The following EDA variants were observed in gnomAD, a reference collection of about 807,000 sequenced individuals.
The protein encoded by EDA is ectodysplasin A.
EDA carries 2 observed loss-of-function variants against 23.6 expected under a neutral mutation model. The observed-to-expected ratio is 0.08, with a 90% CI of 0.03 to 0.27. EDA has a LOEUF of 0.27. Among genes scored for constraint, EDA ranks in the 10% least tolerant of loss-of-function variants. The pLI is 1.00. For synonymous variants in EDA, 131 were observed against 132.0 expected, an observed-to-expected ratio of 0.99 and a Z score of 0.05; for missense variants, 229 against 324.2, an observed-to-expected ratio of 0.71 and a Z score of 2.26.
chrX:69,977,896 T>TA (rs2019339610), intron 2 of EDA, among the ~76,000 whole-genome samples: 2 of 111,835 alleles, frequency 1.8e-5, no homozygotes, highest in African/African-American at 6.5e-5. Context: ...CTGATCCTGA[T>TA]AACCTCACAA....
intron 1 of EDA, among the ~76,000 whole-genome samples, chrX:69,828,443 G>A (rs1040898595): frequency 8.9e-6 from 1 of 111,972 alleles, no homozygotes; most frequent in Non-Finnish European, 1.9e-5. Flanking sequence ...GCAGTATTCG[G>A]GTGGGAGTGA....
intron 1 of EDA, among the ~76,000 whole-genome samples, chrX:69,653,159 G>T (rs1933160483): frequency 9.0e-6 from 1 of 111,685 alleles, no homozygotes; most frequent in Admixed American, 9.5e-5. Flanking sequence ...TCATTGAGCA[G>T]TGGCTGGTAG....
chrX:70,005,559 T>TTAA (rs1400188793), intron 2 of EDA, among the ~76,000 whole-genome samples: 1 of 110,209 alleles, frequency 9.1e-6, no homozygotes, highest in Non-Finnish European at 1.9e-5. Context: ...CAACAGTGTG[T>TTAA]TAATGGAACA....
chrX:69,628,404 C>T (rs1159190240), intron 1 of EDA, among the ~76,000 whole-genome samples: 1 of 111,563 alleles, frequency 9.0e-6, no homozygotes, highest in Admixed American at 9.5e-5. Context: ...GGAGTTCTTT[C>T]GACTCAACCC....
intron 2 of EDA, among the ~76,000 whole-genome samples, chrX:69,959,943 G>A (rs2019074955): frequency 9.0e-6 from 1 of 111,681 alleles, no homozygotes; most frequent in African/African-American, 3.3e-5. Flanking sequence ...GTGTGGCTGG[G>A]AGCAGAGTAA....
chrX:69,753,972 C>T (rs1419047691), intron 1 of EDA, among the ~76,000 whole-genome samples: 2 of 109,947 alleles, frequency 1.8e-5, no homozygotes, highest in African/African-American at 3.3e-5. Flanking sequence ...TGTTTCTGCA[C>T]GTGAGATGGA....
At chrX:69,692,452 G>A (rs1443813145) in intron 1 of EDA, among the ~76,000 whole-genome samples, 1 of 111,451 alleles carries the variant, frequency 9.0e-6, no homozygotes. Context: ...ATGGAATACA[G>A]AGAGTGAAAA....
At position 70,035,062 on chromosome X, in the gene EDA, A is replaced by G. The variant is rs73634804; in HGVS notation, c.925-296A>G. Among the ~76,000 whole-genome samples the G allele has an allele frequency of 0.21, 22,355 of 108,385 alleles. 2,945 individuals are homozygous for G. The highest frequency in any genetic ancestry group is 0.42 in the African/African-American group (12,190 of 28,995). The allele number at this position is 108,385 out of a possible 115,157, so 94.1% of individuals were successfully genotyped here. A position where few individuals can be genotyped will look rare whatever the true frequency, so the allele number is the denominator to read the frequency against. ...CTGGGGCAGGGGTGGGCGGGGGAAC[A>G]GGGGCACGGTGAAGCTGCAAATAGG... On this transcript the variant is annotated intron_variant, in intron 7 of 7. Coordinates refer to ENST00000374552, the MANE Select transcript of EDA (RefSeq NM_001399.5).
chrX:69,685,142 C>T (rs1453117628), intron 1 of EDA, among the ~76,000 whole-genome samples: 1 of 111,745 alleles, frequency 8.9e-6, no homozygotes, highest in African/African-American at 3.2e-5. Context: ...TCAATGGCTA[C>T]CCAGGGAGAG....
intron 6 of EDA, among the ~76,000 whole-genome samples, chrX:70,030,774 A>T (rs1215196920): frequency 8.9e-6 from 1 of 112,838 alleles, no homozygotes; most frequent in Non-Finnish European, 1.9e-5. Flanking sequence ...CATCTAGCCC[A>T]GGCATTCTCA....
Position 69,782,366 on chromosome X carries a change from T to TAAAAAAAAAA in EDA, c.396+165679_396+165688dup, listed in dbSNP as rs751293381. 6.1e-4 allele frequency among the ~76,000 whole-genome samples: 40 copies of TAAAAAAAAAA among 65,452 alleles called. 1 individual carries two copies. Among genetic ancestry groups the TAAAAAAAAAA allele is most frequent in the African/African-American group, 3.0e-3 (39 of 13,094 alleles). 56.8% of individuals were successfully genotyped at this position (65,452 alleles called of 115,157 possible). A position where few individuals can be genotyped will look rare whatever the true frequency, so the allele number is the denominator to read the frequency against. The stretch of plus-strand genomic sequence containing the variant: ...GTAGACAAATAACATTAAATGCTCT[T>TAAAAAAAAAA]AAAAAAAAAAAAAAAAAAAAAAAAA... On this transcript the variant is annotated intron_variant, in intron 1 of 7. Coordinates refer to ENST00000374552, the MANE Select transcript of EDA (RefSeq NM_001399.5).
intron 1 of EDA, among the ~76,000 whole-genome samples, chrX:69,851,187 G>A (rs1304025157): frequency 2.8e-5 from 3 of 107,181 alleles, no homozygotes; most frequent in Admixed American, 1.0e-4. Flanking sequence ...GTGTGTGCAC[G>A]TGTGTGTATA....
At chrX:69,974,377 T>G (rs1396857628) in intron 2 of EDA, among the ~76,000 whole-genome samples, 1 of 110,955 alleles carries the variant, frequency 9.0e-6, no homozygotes, top group Non-Finnish European at 1.9e-5. Context: ...AGAATGAAAC[T>G]GGACCCCTAC....
chrX:69,936,190 C>T (rs1394412458), intron 1 of EDA, among the ~76,000 whole-genome samples: 1 of 109,249 alleles, frequency 9.2e-6, no homozygotes, highest in East Asian at 2.8e-4. Flanking sequence ...ATTTGTATAA[C>T]CAACAAATCA....
intron 1 of EDA, among the ~76,000 whole-genome samples, chrX:69,752,913 G>T (rs763272766): frequency 1.8e-5 from 2 of 111,434 alleles, no homozygotes; most frequent in Non-Finnish European, 3.8e-5. Context: ...CTGTGGGATC[G>T]GTGGTGATAT....
intron 2 of EDA, among the ~76,000 whole-genome samples, chrX:69,964,348 C>T (rs2019145305): frequency 9.0e-6 from 1 of 111,083 alleles, no homozygotes; most frequent in Non-Finnish European, 1.9e-5. Flanking sequence ...CTCTACACCC[C>T]ATTAAGAAAA....
intron 1 of EDA, among the ~76,000 whole-genome samples, chrX:69,916,701 G>C (rs185793500): frequency 1.9e-3 from 206 of 110,338 alleles, no homozygotes; most frequent in African/African-American, 6.6e-3. Flanking sequence ...CACCACACCC[G>C]GCCTAATCTC....
chrX:69,757,668 G>C (rs2014167234), intron 1 of EDA, among the ~76,000 whole-genome samples: 1 of 112,325 alleles, frequency 8.9e-6, no homozygotes, highest in South Asian at 3.7e-4. Context: ...GTGCTATAAA[G>C]TATTATGAAC....
intron 1 of EDA, among the ~76,000 whole-genome samples, chrX:69,882,642 A>C (rs2017765281): frequency 9.0e-6 from 1 of 111,656 alleles, no homozygotes; most frequent in South Asian, 3.8e-4. Context: ...GTAACTTCCA[A>C]CTTACTTCAG....
Sources: gnomAD v4.1 joint callset for allele counts (sites outside exome capture counted in the v4.1 genomes callset) on GRCh38, gnomAD v4.1.1 for gene constraint, MANE v1.5 for transcripts, NCBI Gene and HGNC (gene_info 2026-07-23, HGNC 2026-07-21) for gene names.